The following COL23A1 variants were observed in gnomAD, a reference collection of about 807,000 sequenced individuals.
COL23A1 encodes collagen type XXIII alpha 1 chain.
COL23A1 carries 97 observed loss-of-function variants against 99.3 expected under a neutral mutation model. The ratio of observed to expected loss-of-function variants is 0.98; its 90% confidence interval spans 0.83 to 1.16. The LOEUF (loss-of-function observed/expected upper bound fraction) is 1.16, where lower values mean the gene tolerates loss of function less well. Among genes scored for constraint, COL23A1 ranks in the 50% most tolerant of loss-of-function variants. The pLI, the probability that COL23A1 is intolerant of heterozygous loss-of-function variation, is 0.00. For synonymous variants in COL23A1, 320 were observed against 308.2 expected (o/e 1.04, Z -0.40); for missense variants, 762 against 757.4 (o/e 1.01, Z -0.07).
At chr5:178,406,428 C>CTTTTTTTTTTTTTTTTTCT (rs61274419) in intron 2 of COL23A1, among the ~76,000 whole-genome samples, 1 of 142,038 alleles carries the variant, frequency 7.0e-6, no homozygotes, top group African/African-American at 2.6e-5. Context: ...TACCTACACT[C>CTTTTTTTTTTTTTTTTTCT]TTTTTTTTTT....
At chr5:178,510,414 C>T (rs1433648507) in intron 2 of COL23A1, among the ~76,000 whole-genome samples, 1 of 152,156 alleles carries the variant, frequency 6.6e-6, no homozygotes, top group Non-Finnish European at 1.5e-5. Context: ...TGGTGGTGCA[C>T]ACCTGTAACC....
chr5:178,476,936 G>C (rs1356503494), intron 2 of COL23A1, among the ~76,000 whole-genome samples: 4 of 152,210 alleles, frequency 2.6e-5, no homozygotes, highest in African/African-American at 9.7e-5. Flanking sequence ...GCCAGGGTTT[G>C]AACCCAAAGT....
At chr5:178,286,922 T>C (rs1757188934) in intron 5 of COL23A1, among the ~76,000 whole-genome samples, 1 of 152,172 alleles carries the variant, frequency 6.6e-6, no homozygotes, top group Non-Finnish European at 1.5e-5. Flanking sequence ...CCCTCTCCCC[T>C]CTGGACCTGT....
intron 2 of COL23A1, chr5:178,523,472 T>C (rs559262736): frequency 6.7e-6 from 1 of 149,178 alleles, no homozygotes; most frequent in Non-Finnish European, 1.5e-5. Context: ...GAAACCTCTA[T>C]GATGTGCACA....
chr5:178,276,222 G>A (rs1023359775), intron 5 of COL23A1, among the ~76,000 whole-genome samples: 10 of 152,188 alleles, frequency 6.6e-5, no homozygotes, highest in East Asian at 3.9e-4. Context: ...TCCTGACTGC[G>A]GCCCAGCACT....
chr5:178,478,352 C>T (rs1757141954), intron 2 of COL23A1, among the ~76,000 whole-genome samples: 1 of 152,214 alleles, frequency 6.6e-6, no homozygotes, highest in African/African-American at 2.4e-5. Flanking sequence ...CTAACTGGAA[C>T]AACTGTTCCC....
chr5:178,442,760 T>C (rs554791444), intron 2 of COL23A1, among the ~76,000 whole-genome samples: 14 of 152,352 alleles, frequency 9.2e-5, no homozygotes, highest in African/African-American at 3.4e-4. Context: ...AGACCTGACC[T>C]GCTGTACTCC....
chr5:178,480,999 T>A (rs577589171), intron 2 of COL23A1, among the ~76,000 whole-genome samples: 1 of 151,456 alleles, frequency 6.6e-6, no homozygotes, highest in Non-Finnish European at 1.5e-5. Context: ...TACAAAAAAA[T>A]TAGCTGGGCA....
At chr5:178,444,871 G>A (rs1489606076) in intron 2 of COL23A1, among the ~76,000 whole-genome samples, 5 of 152,142 alleles carry the variant, frequency 3.3e-5, no homozygotes, top group East Asian at 3.8e-4. Context: ...AGTTTTCCCC[G>A]TAGGTGAAAT....
intron 2 of COL23A1, among the ~76,000 whole-genome samples, chr5:178,441,177 C>T (rs902875524): frequency 1.3e-5 from 2 of 152,052 alleles, no homozygotes; most frequent in African/African-American, 2.4e-5. Context: ...CCCTTTGTGT[C>T]GTATTTTTTT....
intron 2 of COL23A1, among the ~76,000 whole-genome samples, chr5:178,331,857 G>A (rs543149691): frequency 2.6e-5 from 4 of 152,166 alleles, no homozygotes; most frequent in African/African-American, 4.8e-5. Context: ...CCGGCAGCCC[G>A]GGCAGTCAGC....
chr5:178,576,383 C>T (rs1473059255), intron 1 of COL23A1, among the ~76,000 whole-genome samples: 1 of 152,182 alleles, frequency 6.6e-6, no homozygotes, highest in Non-Finnish European at 1.5e-5. Flanking sequence ...GGACTACAGG[C>T]GCCCCCCACC....
intron 2 of COL23A1, among the ~76,000 whole-genome samples, chr5:178,494,030 T>G (rs537039157): frequency 1.3e-5 from 2 of 152,358 alleles, no homozygotes; most frequent in Admixed American, 1.3e-4. Flanking sequence ...CTCTCCTGTA[T>G]GTGGGAACAT....
chr5:178,344,789 CA>C, intron 2 of COL23A1: 1 of 556,600 alleles, frequency 1.8e-6, no homozygotes, highest in Non-Finnish European at 3.3e-6. Context: ...AGAAAGTTTC[CA>C]AATTTCTCTT....
At chr5:178,315,762 CTTT>C (rs34604670) in intron 2 of COL23A1, among the ~76,000 whole-genome samples, 21 of 96,750 alleles carry the variant, frequency 2.2e-4, no homozygotes, top group African/African-American at 7.1e-4. Flanking sequence ...GAAGCACTGA[CTTT>C]TTTTTTTTTT....
At chr5:178,397,385 G>A (rs1054799685) in intron 2 of COL23A1, among the ~76,000 whole-genome samples, 12 of 152,180 alleles carry the variant, frequency 7.9e-5, no homozygotes, top group Non-Finnish European at 1.3e-4. Flanking sequence ...CAGCTGCAAC[G>A]GATCAGACAT....
chr5:178,339,692 C>T (rs555060073), intron 2 of COL23A1, among the ~76,000 whole-genome samples: 4 of 152,308 alleles, frequency 2.6e-5, no homozygotes, highest in African/African-American at 7.2e-5. Flanking sequence ...AATCTGCCAG[C>T]GCCTCAGTGG....
chr5:178,345,677 C>T lies in COL23A1; in HGVS notation c.362-38758G>A, dbSNP rs112462311. Among the ~76,000 whole-genome samples the T allele has an allele frequency of 5.6e-3, 852 of 151,702 alleles. 4 individuals carry two copies. Among genetic ancestry groups the T allele is most frequent in the African/African-American group, 0.019 (807 of 41,390 alleles). ...GACTACAGGTGCCCGCCACCACGCCCGGCTAATTTTTTGTATTTTTTTTTT... is the reference window on the plus strand; with the variant it reads ...GACTACAGGTGCCCGCCACCACGCCTGGCTAATTTTTTGTATTTTTTTTTT... On this transcript the variant is annotated intron_variant, in intron 2 of 28. Transcript: ENST00000390654.
intron 1 of COL23A1, among the ~76,000 whole-genome samples, chr5:178,570,290 G>C (rs1763028213): frequency 6.6e-6 from 1 of 151,772 alleles, no homozygotes; most frequent in Non-Finnish European, 1.5e-5. Flanking sequence ...TCTATCTTTT[G>C]TAGAGACTGG....
Sources: allele counts gnomAD v4.1 joint callset (sites outside exome capture counted in the v4.1 genomes callset), GRCh38; gene constraint gnomAD v4.1.1; transcripts MANE v1.5; gene names NCBI Gene and HGNC (gene_info 2026-07-23, HGNC 2026-07-21).